CENPP: variants seen among roughly 807,000 people sequenced by gnomAD.
The protein encoded by CENPP is centromere protein P.
CENPP carries 24 observed loss-of-function variants against 35.6 expected under a neutral mutation model. The observed-to-expected ratio is 0.67, with a 90% CI of 0.49 to 0.95. The LOEUF (loss-of-function observed/expected upper bound fraction) is 0.95, where lower values mean the gene tolerates loss of function less well. Ranked by LOEUF, CENPP falls within the 40% of genes least tolerant of loss-of-function variation. CENPP has a pLI of 0.00. For synonymous variants in CENPP, 120 were observed against 125.5 expected (o/e 0.96, Z 0.29); for missense variants, 332 against 345.3 (o/e 0.96, Z 0.31).
At chr9:92,332,793 G>A (rs1588032390) in intron 2 of CENPP, among the ~76,000 whole-genome samples, 1 of 141,370 alleles carries the variant, frequency 7.1e-6, no homozygotes, top group East Asian at 2.1e-4. Flanking sequence ...GGGGGACAGA[G>A]CAAGACTCCA....
At chr9:92,571,800 C>T (rs1253398140) in intron 5 of CENPP, among the ~76,000 whole-genome samples, 1 of 151,886 alleles carries the variant, frequency 6.6e-6, no homozygotes, top group Non-Finnish European at 1.5e-5. Flanking sequence ...ATAGTTAGCT[C>T]TTCTTGTTGA....
chr9:92,559,432 C>G (rs1849801026), intron 5 of CENPP, among the ~76,000 whole-genome samples: 1 of 152,194 alleles, frequency 6.6e-6, no homozygotes, highest in South Asian at 2.1e-4. Context: ...ACGGGTCTCC[C>G]TTTCCCACTT....
At chr9:92,367,118 G>A (rs148278884) in intron 4 of CENPP, among the ~76,000 whole-genome samples, 46 of 152,232 alleles carry the variant, frequency 3.0e-4, no homozygotes, top group Admixed American at 5.2e-4. Context: ...GACAAAAGTT[G>A]TTGTTAATGA....
At chr9:92,562,814 G>T (rs1182714516) in intron 5 of CENPP, among the ~76,000 whole-genome samples, 3 of 152,126 alleles carry the variant, frequency 2.0e-5, no homozygotes, top group Non-Finnish European at 4.4e-5. Context: ...AGTATTTAAT[G>T]AAAAAGACGA....
chr9:92,475,149 C>T (rs1442903847), intron 5 of CENPP, among the ~76,000 whole-genome samples: 1 of 152,044 alleles, frequency 6.6e-6, no homozygotes, highest in East Asian at 1.9e-4. Context: ...AATCTAGTCT[C>T]AGGAAACATT....
At chr9:92,466,438 G>A in intron 5 of CENPP, 1 of 1,609,702 alleles carries the variant, frequency 6.2e-7, no homozygotes, top group East Asian at 2.2e-5. Flanking sequence ...TCTGAGTTCT[G>A]CTAATGATTT....
At chr9:92,454,906 A>G (rs1244695397) in intron 5 of CENPP, among the ~76,000 whole-genome samples, 1 of 152,056 alleles carries the variant, frequency 6.6e-6, no homozygotes, top group East Asian at 1.9e-4. Flanking sequence ...CTCTACTCAT[A>G]CCATGGTCTT....
intron 4 of CENPP, among the ~76,000 whole-genome samples, chr9:92,378,201 T>TG (rs1842166365): frequency 6.6e-6 from 1 of 152,170 alleles, no homozygotes; most frequent in Non-Finnish European, 1.5e-5. Flanking sequence ...TTGGCAGTGA[T>TG]GGTTGACAGG....
chr9:92,383,849 T>C (rs147199324), intron 5 of CENPP: 16 of 152,314 alleles, frequency 1.1e-4, no homozygotes, highest in African/African-American at 3.8e-4. Context: ...TTTTGCTCCA[T>C]AAGTTTTATC....
intron 5 of CENPP, among the ~76,000 whole-genome samples, chr9:92,381,903 T>G (rs1842256603): frequency 6.6e-6 from 1 of 151,878 alleles, no homozygotes; most frequent in African/African-American, 2.4e-5. Context: ...TCTGCTTTTT[T>G]TTTTTTTTTT....
At chr9:92,435,070 A>G (rs1844214924) in intron 5 of CENPP, among the ~76,000 whole-genome samples, 1 of 152,130 alleles carries the variant, frequency 6.6e-6, no homozygotes, top group African/African-American at 2.4e-5. Flanking sequence ...AATAAAAAGT[A>G]TACTGTACAC....
intron 4 of CENPP, among the ~76,000 whole-genome samples, chr9:92,362,388 TTTTG>T (rs113362712): frequency 8.5e-5 from 13 of 152,192 alleles, no homozygotes; most frequent in Admixed American, 5.2e-4. Context: ...CTTTCCACTT[TTTTG>T]TTTGTTTCTT....
intron 5 of CENPP, among the ~76,000 whole-genome samples, chr9:92,450,241 C>A (rs933411095): frequency 2.4e-5 from 3 of 123,754 alleles, no homozygotes; most frequent in Non-Finnish European, 3.3e-5. Flanking sequence ...GCTATCCCTC[C>A]CCCCTCCCCC....
intron 5 of CENPP, among the ~76,000 whole-genome samples, chr9:92,556,043 C>T (rs1320903594): frequency 1.3e-5 from 2 of 152,132 alleles, no homozygotes; most frequent in African/African-American, 2.4e-5. Context: ...GAACTTTCCT[C>T]TTAGCACCAC....
chr9:92,537,831 T>C (rs928557288), intron 5 of CENPP, among the ~76,000 whole-genome samples: 3 of 152,334 alleles, frequency 2.0e-5, no homozygotes, highest in Admixed American at 2.0e-4. Context: ...ATTTTTTCAC[T>C]ACCATAGTGA....
At chr9:92,417,289 C>T (rs768011145) in intron 5 of CENPP, 20 of 1,613,884 alleles carry the variant, frequency 1.2e-5, no homozygotes, top group African/African-American at 5.3e-5. Flanking sequence ...GAATGTGCAT[C>T]GGAATATTTG....
chr9:92,557,862 C>T (rs1849761286), intron 5 of CENPP, among the ~76,000 whole-genome samples: 1 of 152,132 alleles, frequency 6.6e-6, no homozygotes, highest in South Asian at 2.1e-4. Context: ...CCAGGATGGT[C>T]TCGATCTCCT....
chr9:92,541,695 G>A (rs903202312), intron 5 of CENPP, among the ~76,000 whole-genome samples: 1 of 151,668 alleles, frequency 6.6e-6, no homozygotes, highest in Non-Finnish European at 1.5e-5. Flanking sequence ...TTATTCATTC[G>A]CTGATGGACA....
intron 5 of CENPP, among the ~76,000 whole-genome samples, chr9:92,504,697 G>T (rs910582112): frequency 6.6e-6 from 1 of 152,024 alleles, no homozygotes; most frequent in Non-Finnish European, 1.5e-5. Flanking sequence ...ACCATGACTG[G>T]CTATTTTTTT....
Sources: gnomAD v4.1 joint callset for allele counts (sites outside exome capture counted in the v4.1 genomes callset) on GRCh38, gnomAD v4.1.1 for gene constraint, MANE v1.5 for transcripts, NCBI Gene and HGNC (gene_info 2026-07-23, HGNC 2026-07-21) for gene names.